RBFOX1: variants seen among roughly 807,000 people sequenced by gnomAD.
The protein encoded by RBFOX1 is RNA binding protein fox-1 homolog 1.
Under a neutral mutation model 57.7 loss-of-function variants are expected in RBFOX1, and 8 were observed. The ratio of observed to expected loss-of-function variants is 0.14; its 90% confidence interval spans 0.08 to 0.25. RBFOX1 has a LOEUF of 0.25. Ranked by LOEUF, RBFOX1 falls within the 10% of genes least tolerant of loss-of-function variation. The pLI is 1.00. For missense variants in RBFOX1, 611 were observed against 548.5 expected (o/e 1.11, Z -1.14); for synonymous variants, 326 against 222.4 (o/e 1.47, Z -4.15).
intron 2 of RBFOX1, among the ~76,000 whole-genome samples, chr16:6,531,055 C>G (rs1247594022): frequency 6.6e-6 from 1 of 152,196 alleles, no homozygotes; most frequent in African/African-American, 2.4e-5. Flanking sequence ...AATGTACTAG[C>G]AAACTGGCCC....
chr16:6,774,417 G>A (rs967854693), intron 3 of RBFOX1, among the ~76,000 whole-genome samples: 2 of 152,074 alleles, frequency 1.3e-5, no homozygotes, highest in Non-Finnish European at 2.9e-5. Flanking sequence ...TTCTAAAACT[G>A]GGACTCTAAA....
chr16:6,734,067 T>A (rs12929449), intron 3 of RBFOX1, among the ~76,000 whole-genome samples: 1 of 152,076 alleles, frequency 6.6e-6, no homozygotes, highest in South Asian at 2.1e-4. Flanking sequence ...AGAGAACTTA[T>A]ACCCCACTGC....
chr16:5,479,790 C>G (rs1023969994), intron 2 of RBFOX1, among the ~76,000 whole-genome samples: 5 of 151,988 alleles, frequency 3.3e-5, no homozygotes, highest in Middle Eastern at 3.2e-3. Flanking sequence ...TTATTTCTCC[C>G]CTGCTACCTG....
At chr16:6,474,087 C>G (rs987982870) in intron 2 of RBFOX1, among the ~76,000 whole-genome samples, 4 of 151,948 alleles carry the variant, frequency 2.6e-5, no homozygotes, top group African/African-American at 9.7e-5. Context: ...TCAGATTTCT[C>G]TTTTTCTATA....
intron 11 of RBFOX1, among the ~76,000 whole-genome samples, chr16:7,651,887 C>G (rs2065138588): frequency 6.6e-6 from 1 of 152,110 alleles, no homozygotes; most frequent in African/African-American, 2.4e-5. Context: ...ATACCTGCTG[C>G]TTAGTGAGAT....
Position 6,450,800 on chromosome 16 carries a change from T to TATAC in RBFOX1, c.-64+133743_-64+133744insATAC, listed in dbSNP as rs1567303129. Among the ~76,000 whole-genome samples the TATAC allele has an allele frequency of 3.9e-3, 58 of 14,788 alleles. 5 individuals are homozygous for TATAC. The East Asian group carries it at 0.1, about 25-fold the overall frequency. The allele number at this position is 14,788 out of a possible 152,430, so 9.7% of individuals were successfully genotyped here. A position where few individuals can be genotyped will look rare whatever the true frequency, so the allele number is the denominator to read the frequency against. Reference sequence around the variant, plus strand: ...ATATATATATATATACATATATATATGTATATATATATATATACATATATA... The same window carrying TATAC: ...ATATATATATATATACATATATATATATACGTATATATATATATATACATATATA... On this transcript the variant is annotated intron_variant, in intron 2 of 15. Transcript: ENST00000550418.
chr16:5,330,801 G>A (rs567576519), intron 1 of RBFOX1, among the ~76,000 whole-genome samples: 40 of 151,876 alleles, frequency 2.6e-4, no homozygotes, highest in Admixed American at 1.3e-3. Context: ...CAGGAATGAT[G>A]TGGAGAGGAA....
intron 2 of RBFOX1, among the ~76,000 whole-genome samples, chr16:6,379,519 A>G (rs1460100158): frequency 5.9e-5 from 9 of 152,048 alleles, no homozygotes; most frequent in African/African-American, 2.2e-4. Context: ...AACCCACTGA[A>G]AAAAACTGAG....
intron 4 of RBFOX1, among the ~76,000 whole-genome samples, chr16:7,494,462 A>G (rs2151632270): frequency 6.6e-6 from 1 of 151,986 alleles, no homozygotes; most frequent in South Asian, 2.1e-4. Context: ...TTGATGGATT[A>G]TTTTTTCTGG....
intron 3 of RBFOX1, among the ~76,000 whole-genome samples, chr16:6,958,557 C>T (rs1025081590): frequency 2.0e-5 from 3 of 152,064 alleles, no homozygotes; most frequent in African/African-American, 7.2e-5. Flanking sequence ...AAAAATAAAG[C>T]CAAGGAATTA....
chr16:7,538,589 G>C (rs1028000047), intron 5 of RBFOX1, among the ~76,000 whole-genome samples: 1 of 152,174 alleles, frequency 6.6e-6, no homozygotes, highest in Non-Finnish European at 1.5e-5. Context: ...TTGTAGGAGA[G>C]AGAGATGGAA....
intron 4 of RBFOX1, among the ~76,000 whole-genome samples, chr16:7,300,705 C>A (rs2096010679): frequency 6.6e-6 from 1 of 152,232 alleles, no homozygotes. Context: ...AAATGGTTTC[C>A]ATTCTTCTTT....
intron 3 of RBFOX1, among the ~76,000 whole-genome samples, chr16:5,691,587 T>C (rs2050681729): frequency 6.6e-6 from 1 of 152,196 alleles, no homozygotes; most frequent in African/African-American, 2.4e-5. Flanking sequence ...TTTTGGAATA[T>C]TTTGCATTAT....
chr16:6,637,663 G>A (rs1243611456), intron 2 of RBFOX1, among the ~76,000 whole-genome samples: 1 of 150,334 alleles, frequency 6.7e-6, no homozygotes, highest in East Asian at 2.0e-4. Context: ...AACTGGTGGT[G>A]AATTGGGAGC....
chr16:5,696,080 A>G (rs1423006431), intron 3 of RBFOX1, among the ~76,000 whole-genome samples: 2 of 152,220 alleles, frequency 1.3e-5, no homozygotes, highest in Non-Finnish European at 2.9e-5. Flanking sequence ...ATTCTGGTAG[A>G]AAATTACAGA....
intron 1 of RBFOX1, among the ~76,000 whole-genome samples, chr16:6,174,424 G>A (rs9924050): frequency 0.068 from 10,346 of 152,030 alleles, 445 homozygotes; most frequent in African/African-American, 0.12. Flanking sequence ...GCAAAACCCC[G>A]TCTTTACTAA....
At chr16:7,282,432 A>G (rs2095563920) in intron 4 of RBFOX1, among the ~76,000 whole-genome samples, 1 of 152,158 alleles carries the variant, frequency 6.6e-6, no homozygotes, top group Non-Finnish European at 1.5e-5. Context: ...ATATTTCACA[A>G]AACTCAGTTG....
intron 4 of RBFOX1, among the ~76,000 whole-genome samples, chr16:7,493,429 C>A (rs937054951): frequency 6.6e-6 from 1 of 152,112 alleles, no homozygotes; most frequent in Non-Finnish European, 1.5e-5. Flanking sequence ...CTGGAACCTG[C>A]GAGTGTTACT....
chr16:7,533,940 G>T (rs1340026519), intron 5 of RBFOX1, among the ~76,000 whole-genome samples: 2 of 152,096 alleles, frequency 1.3e-5, no homozygotes, highest in African/African-American at 4.8e-5. Flanking sequence ...TAAAACCAAT[G>T]GTGGGCGATG....
Sources: allele counts gnomAD v4.1 joint callset (sites outside exome capture counted in the v4.1 genomes callset), GRCh38; gene constraint gnomAD v4.1.1; transcripts MANE v1.5; gene names NCBI Gene and HGNC (gene_info 2026-07-23, HGNC 2026-07-21).